PER1: variants seen among roughly 807,000 people sequenced by gnomAD.
The protein encoded by PER1 is period circadian protein homolog 1.
A neutral mutation model predicts 125.9 loss-of-function variants in PER1; 87 were observed. The ratio of observed to expected loss-of-function variants is 0.69; its 90% CI spans 0.58 to 0.83. The LOEUF is 0.83. Among genes scored for constraint, PER1 ranks in the 40% least tolerant of loss-of-function variants. PER1 has a pLI of 0.00. For synonymous variants in PER1, 801 were observed against 714.7 expected (o/e 1.12, Z -1.93); for missense variants, 1,775 against 1,722.8 (o/e 1.03, Z -0.54).
In PER1 at chr17:8,146,521, C is replaced by G; in HGVS notation, c.1908-19G>C. On this transcript the variant is annotated intron_variant, in intron 15 of 22. Transcript: ENST00000317276. ...CAGGTACCTGGGGATGGACACAGCA[C>G]AGGGCATCAGAGCAGGGCTTGGGGT... 1 of 1,609,088 alleles carries G rather than the reference C, an allele frequency of 6.2e-7. No homozygotes were observed. Among genetic ancestry groups the G allele is most frequent in the Non-Finnish European group, 8.5e-7 (1 of 1,177,438 alleles).
rs148883283 is a variant in PER1, at chr17:8,149,605, T to G, written c.710A>C (p.Gln237Pro). 5.0e-6 allele frequency: 8 copies of G among 1,612,976 alleles called. No individual in the cohort carries two copies. Among genetic ancestry groups the G allele is most frequent in the Non-Finnish European group, 5.9e-6 (7 of 1,179,066 alleles). The part of the protein sequence containing the change: ...LTGRIVYISE[Q>P]AAVLLRCKRD... ...CTTGCAACGCAGCAGGACGGCTGCC[T>G]GCTCCGAAATGTAGACGATTCGGCC... The change falls in exon 6 of 23, where the codon CAG (glutamine) becomes CCG (proline). Residue 237 changes from glutamine to proline, a missense_variant. By Grantham distance (76) the Gln-to-Pro change is moderately conservative. Coordinates refer to ENST00000317276, the MANE Select transcript of PER1 (RefSeq NM_002616.3).
In PER1 at chr17:8,149,501, G is replaced by C. The variant is rs147889537; in HGVS notation, c.814C>G (p.Pro272Ala). The change falls in exon 6 of 23, where the codon CCA becomes GCA. Residue 272 changes from proline (P) to alanine (A), a missense_variant. By Grantham distance (27) the Pro-to-Ala change is conservative (BLOSUM62 -1). Coordinates refer to ENST00000317276, the MANE Select transcript of PER1 (RefSeq NM_002616.3). The stretch of plus-strand genomic sequence containing the variant: ...GTGCCCCAGGTGGGCAGGCGAGATG[G>C]AGCAGTGGAACCATAGAAGACTCCC... ...DVGVFYGSTA[P>A]SRLPTWGTGA... 5.5e-5 allele frequency: 88 copies of C among 1,613,744 alleles called. No homozygotes were observed. The Middle Eastern group carries it at 4.3e-3, about 78-fold the overall frequency.
At chr17:8,141,437 A>C in intron 22 of PER1, 97 bp from the exon 23 acceptor site, 2 of 1,376,662 alleles carry the variant, frequency 1.5e-6, no homozygotes, top group Middle Eastern at 2.7e-4. Context: ...GCTTCCCGAA[A>C]TGTACTCCCA....
Position 8,142,315 on chromosome 17 carries a change from C to T in PER1, c.3403G>A (p.Ala1135Thr), listed in dbSNP as rs774964403. 5 of 1,612,408 alleles carry T rather than the reference C, an allele frequency of 3.1e-6. No individual in the cohort carries two copies. Among genetic ancestry groups the T allele is most frequent in the Non-Finnish European group, 4.2e-6 (5 of 1,179,304 alleles). ...VLQDPIWLLMANADQRVMMTY... is the reference protein window; with the variant it reads ...VLQDPIWLLMTNADQRVMMTY... ...ATCATGACGCGCTGGTCAGCATTGG[C>T]CATGAGCAGCCAAATGGGATCCTGG... Residue 1135 changes from alanine to threonine, a missense_variant, in exon 21 of 23, where the codon GCC (alanine) becomes ACC (threonine). Coordinates refer to ENST00000317276, the MANE Select transcript of PER1 (RefSeq NM_002616.3).
At position 8,146,178 on chromosome 17, in the gene PER1, C is replaced by T. The variant is rs757284748; in HGVS notation, c.2039-41G>A. Reference sequence around the variant, plus strand: ...GTGCCAGTTACCATCCCCACCCCCACTGGGAAGTCAGGAGAGAGGATCCCA... The same window carrying T: ...GTGCCAGTTACCATCCCCACCCCCATTGGGAAGTCAGGAGAGAGGATCCCA... On this transcript the variant is annotated intron_variant, in intron 16 of 22. Coordinates refer to ENST00000317276, the MANE Select transcript of PER1 (RefSeq NM_002616.3). The T allele has an allele frequency of 6.4e-6, 10 of 1,558,364 alleles. No individual in the cohort carries two copies. The South Asian group carries it at 8.5e-5, about 13-fold the overall frequency.
chr17:8,149,950 C>T (rs1982732104), intron 4 of PER1, 21 bp downstream of exon 4: 1 of 1,613,720 alleles, frequency 6.2e-7, no homozygotes. Context: ...AGGCCATTCC[C>T]TCTTGGGACA....
rs767117865 is a variant in PER1, at chr17:8,143,831, C to A, written c.2507G>T (p.Arg836Leu). The change falls in exon 19 of 23, where the codon CGA becomes CTA. Residue 836 changes from arginine (R) to leucine (L), a missense_variant. Physicochemically the swap from Arg to Leu is moderately radical, Grantham distance 102. Coordinates refer to ENST00000317276, the MANE Select transcript of PER1 (RefSeq NM_002616.3). ...GTGGCGTGAGCGCTTGGCTTTGGAT[C>A]GGCAGTGGTGTCGGCGGCTTGGGGG... is the stretch of plus-strand genomic sequence containing the variant. ...PAPPSRRHHC[R>L]SKAKRSRHHQ... 2 of 1,612,038 alleles carry A rather than the reference C, an allele frequency of 1.2e-6. No individual in the cohort carries two copies. The highest frequency in any genetic ancestry group is 2.2e-5 in the East Asian group (1 of 44,750).
chr17:8,149,917 C>A (rs1022170024), intron 4 of PER1, 41 bp from the exon 5 acceptor site: 2 of 1,613,986 alleles, frequency 1.2e-6, no homozygotes, highest in Non-Finnish European at 1.7e-6. Context: ...AAGGAGGCTG[C>A]CTCAACACGG....
At position 8,140,962 on chromosome 17, in the gene PER1, G is replaced by C; in HGVS notation, c.*106C>G. On this transcript the variant is annotated 3_prime_UTR_variant, in exon 23 of 23. Coordinates refer to ENST00000317276, the MANE Select transcript of PER1 (RefSeq NM_002616.3). Reference sequence around the variant, plus strand: ...CCGGCCCCCTATGGTGGGAGAAGCTGGGGCAGTTTCCCACTGGTTGGTCTA... The same window carrying C: ...CCGGCCCCCTATGGTGGGAGAAGCTCGGGCAGTTTCCCACTGGTTGGTCTA... 1 of 1,291,786 alleles carries C rather than the reference G, an allele frequency of 7.7e-7. No homozygotes were observed. The highest frequency in any genetic ancestry group is 1.4e-5 in the South Asian group (1 of 70,998). 80.0% of individuals were successfully genotyped at this position (1,291,786 alleles called of 1,614,324 possible).
At chr17:8,142,491 G>A in intron 20 of PER1, 33 bp from the exon 21 acceptor site, 4 of 1,552,002 alleles carry the variant, frequency 2.6e-6, no homozygotes, top group Non-Finnish European at 3.5e-6. Flanking sequence ...ATGGGAGTCA[G>A]GCCGGCTGCA....
At position 8,149,454 on chromosome 17, in the gene PER1, C is replaced by T. The variant is rs201434113; in HGVS notation, c.853+8G>A. Reference sequence around the variant, plus strand: ...CTCATGCCTCCCCACAGCGCTTGGGCACCTCACCTGCTGAGGCCCCTGTGC... The same window carrying T: ...CTCATGCCTCCCCACAGCGCTTGGGTACCTCACCTGCTGAGGCCCCTGTGC... On this transcript the variant is annotated splice_region_variant and intron_variant, in intron 6 of 22. Transcript: ENST00000317276. 9.9e-6 allele frequency: 16 copies of T among 1,611,290 alleles called. No homozygotes were observed. The East Asian group carries it at 1.1e-4, about 11-fold the overall frequency.
rs1404281242 is a variant in PER1 at position 8,149,796 on chromosome 17, C to G, written c.610G>C (p.Glu204Gln). The G allele has an allele frequency of 6.2e-7, 1 of 1,613,590 alleles. No individual in the cohort carries two copies. ...TACTCAGACGTGATGTGCTCCAGCT[C>G]CTCCAGGGTATAGGTGGACATGTCC... ...SMDMSTYTLEELEHITSEYTL... is the reference protein window; with the variant it reads ...SMDMSTYTLEQLEHITSEYTL... The change falls in exon 5 of 23, where the codon GAG becomes CAG. Residue 204 changes from glutamate to glutamine, a missense_variant. Transcript: ENST00000317276.
In PER1 at chr17:8,149,754, C is replaced by T; in HGVS notation, c.651+1G>A. On this transcript the variant is annotated splice_donor_variant, in intron 5 of 22. Coordinates refer to ENST00000317276, the MANE Select transcript of PER1 (RefSeq NM_002616.3). LOFTEE classifies it high-confidence loss of function. ...GATGCAGAGGCCAGGCCGCCGCTGA[C>T]CTGGTTCTGAAGTGTGTACTCAGAC... is the stretch of plus-strand genomic sequence containing the variant. 1 of 1,612,834 alleles carries T rather than the reference C, an allele frequency of 6.2e-7. No individual in the cohort carries two copies. The highest frequency in any genetic ancestry group is 8.5e-7 in the Non-Finnish European group (1 of 1,179,998).
intron 18 of PER1, chr17:8,144,411 G>A: frequency 2.3e-6 from 1 of 437,098 alleles, no homozygotes; most frequent in Non-Finnish European, 4.0e-6. Flanking sequence ...AGTTGGCCCA[G>A]AATCTATGCA....
At chr17:8,144,318 C>G (rs533186979) in intron 18 of PER1, 5 of 411,912 alleles carry the variant, frequency 1.2e-5, no homozygotes, top group Admixed American at 4.1e-5. Context: ...AGTCCTGAGT[C>G]CTGCGTCTGC....
intron 6 of PER1, 54 bp downstream of exon 6, chr17:8,149,408 A>G (rs770920030): frequency 1.2e-6 from 2 of 1,606,926 alleles, no homozygotes; most frequent in East Asian, 2.2e-5. Flanking sequence ...GGCCCCTCAC[A>G]GCAGGAATTT....
chr17:8,144,818 G>T lies in PER1; in HGVS notation c.2394C>A (p.Phe798Leu). Residue 798 changes from phenylalanine to leucine, a missense_variant, in exon 18 of 23, where the codon TTC (phenylalanine) becomes TTA (leucine). Coordinates refer to ENST00000317276, the MANE Select transcript of PER1 (RefSeq NM_002616.3). ...GTCCACGCAGCCTGCCCAGGTCTCG[G>T]AAGCGGCTGAGGAAGGCTTGCTCTT... ...QKEEQAFLSR[F>L]RDLGRLRGLD... 6.3e-7 allele frequency: 1 copy of T among 1,586,128 alleles called. No homozygotes were observed. Among genetic ancestry groups the T allele is most frequent in the South Asian group, 1.1e-5 (1 of 87,052 alleles).
chr17:8,149,911 A>T, intron 4 of PER1, 35 bp from the exon 5 acceptor site: 1 of 1,614,038 alleles, frequency 6.2e-7, no homozygotes, highest in Non-Finnish European at 8.5e-7. Context: ...TTCAGTAAGG[A>T]GGCTGCCTCA....
At chr17:8,145,155 G>C in intron 17 of PER1, 162 bp from the exon 18 acceptor site, 1 of 668,910 alleles carries the variant, frequency 1.5e-6, no homozygotes, top group Non-Finnish European at 2.2e-6. Flanking sequence ...TCTGCCAACG[G>C]CTGGCCCTGG....
Sources: allele counts gnomAD v4.1 joint callset, GRCh38; gene constraint gnomAD v4.1.1; transcripts MANE v1.5; gene names NCBI Gene and HGNC (gene_info 2026-07-23, HGNC 2026-07-21).